Variants in TBL3 observed in about 807,000 individuals in gnomAD.
TBL3 encodes transducin beta like 3, also known as transducin beta-like protein 3.
A neutral mutation model predicts 102.7 loss-of-function variants in TBL3; 71 were observed. The observed-to-expected ratio is 0.69, with a 90% CI of 0.57 to 0.84. The LOEUF (loss-of-function observed/expected upper bound fraction) is 0.84, where lower values mean the gene tolerates loss of function less well. TBL3 is among the 40% of genes least tolerant of loss of function. The probability of loss-of-function intolerance (pLI) is 0.00; values close to 1 mark genes in which losing one functional copy is unlikely to be tolerated. For synonymous variants in TBL3, 578 were observed against 477.7 expected (o/e 1.21, Z -2.74); for missense variants, 1,188 against 1,098.5 (o/e 1.08, Z -1.15).
chr16:1,976,131 G>A lies in TBL3; in HGVS notation c.1188+17G>A, dbSNP rs1018090484. Reference sequence around the variant, plus strand: ...TGTGCCAAGGTGAGGCACCCTGAGAGGTAGGGGCAGGGGCACCAGGCGGGG... The same window carrying A: ...TGTGCCAAGGTGAGGCACCCTGAGAAGTAGGGGCAGGGGCACCAGGCGGGG... On this transcript the variant is annotated intron_variant, in intron 12 of 21. Coordinates refer to ENST00000568546, the MANE Select transcript of TBL3 (RefSeq NM_006453.3). The A allele has an allele frequency of 1.2e-6, 2 of 1,614,098 alleles. No individual in the cohort carries two copies. Among genetic ancestry groups the A allele is most frequent in the Non-Finnish European group, 1.7e-6 (2 of 1,180,034 alleles).
intron 1 of TBL3, among the ~76,000 whole-genome samples, chr16:1,973,434 C>T (rs2083375027): frequency 6.6e-6 from 1 of 151,922 alleles, no homozygotes; most frequent in Non-Finnish European, 1.5e-5. Flanking sequence ...AGATCGAGAC[C>T]CCTTCTCAAA....
chr16:1,974,377 A>T lies in TBL3; in HGVS notation c.191A>T (p.Glu64Val). 6.2e-7 allele frequency: 1 copy of T among 1,609,684 alleles called. No homozygotes were observed. Among genetic ancestry groups the T allele is most frequent in the Non-Finnish European group, 8.5e-7 (1 of 1,177,616 alleles). The change falls in exon 4 of 22, where the codon GAG (glutamate) becomes GTG (valine). Residue 64 changes from glutamate to valine, a missense_variant and splice_region_variant. Glu to Val is a moderately radical substitution (Grantham distance 121, BLOSUM62 -2). Coordinates refer to ENST00000568546, the MANE Select transcript of TBL3 (RefSeq NM_006453.3). ...SGAVLRSLEQ[E>V]DQEDITAFDL... ...TCGGCACACCACTCTTTCTCCTAGG[A>T]GGACCAGGAGGACATCACTGCCTTT... is the stretch of plus-strand genomic sequence containing the variant.
At position 1,974,227 on chromosome 16, in the gene TBL3, G is replaced by T. The variant is rs375415353; in HGVS notation, c.124G>T (p.Val42Phe). 6.2e-7 allele frequency: 1 copy of T among 1,602,884 alleles called. No homozygotes were observed. Among genetic ancestry groups the T allele is most frequent in the African/African-American group, 1.3e-5 (1 of 74,888 alleles). ...LDQTGQHLFC[V>F]CGTRVNILEV... ...CCAGACTGGCCAGCACCTCTTCTGCGTCTGTGGCACCAGAGTCAACATTCT... is the reference window on the plus strand; with the variant it reads ...CCAGACTGGCCAGCACCTCTTCTGCTTCTGTGGCACCAGAGTCAACATTCT... Residue 42 changes from valine (V) to phenylalanine (F), a missense_variant, in exon 3 of 22, where the codon GTC (valine) becomes TTC (phenylalanine). Transcript: ENST00000568546.
chr16:1,976,780 C>T (rs1425294115), intron 13 of TBL3, 34 bp from the exon 14 acceptor site: 1 of 1,609,838 alleles, frequency 6.2e-7, no homozygotes, highest in Non-Finnish European at 8.5e-7. Flanking sequence ...GGCTGGGGCT[C>T]AGCTGTGTCT....
chr16:1,977,901 GCT>G, intron 18 of TBL3, 55 bp from the exon 19 acceptor site: 1 of 1,594,226 alleles, frequency 6.3e-7, no homozygotes, highest in Non-Finnish European at 8.6e-7. Flanking sequence ...GACTCCGATG[GCT>G]CTGCCTGCAG....
chr16:1,982,696 G>C lies in TBL3; in HGVS notation c.*4011G>C, dbSNP rs764641880. 6.6e-6 allele frequency: 1 copy of C among 152,248 alleles called. No homozygotes were observed. 9.4% of individuals were successfully genotyped at this position (152,248 alleles called of 1,614,324 possible). Reference sequence around the variant, plus strand: ...GTACTTTGGGAGGCCGAGGCAGGGGGATTGCTTGAGCTCAGGAGTTCGAGA... The same window carrying C: ...GTACTTTGGGAGGCCGAGGCAGGGGCATTGCTTGAGCTCAGGAGTTCGAGA... On this transcript the variant is annotated 3_prime_UTR_variant, in exon 22 of 22. Coordinates refer to ENST00000568546, the MANE Select transcript of TBL3 (RefSeq NM_006453.3).
In TBL3 at chr16:1,979,819, C is replaced by G. The variant is rs192494277; in HGVS notation, c.*1134C>G. On this transcript the variant is annotated 3_prime_UTR_variant, in exon 22 of 22. Transcript: ENST00000568546. Reference sequence around the variant, plus strand: ...GCTCCCTAGGGACGGGCCTCCCTCCCGGCCTTGGCCCGGGGCCGCCTCCTC... The same window carrying G: ...GCTCCCTAGGGACGGGCCTCCCTCCGGGCCTTGGCCCGGGGCCGCCTCCTC... 230 of 1,565,724 alleles carry G rather than the reference C, an allele frequency of 1.5e-4. 4 individuals are homozygous for G. The East Asian group carries it at 4.3e-3, about 29-fold the overall frequency.
At chr16:1,977,936 G>T in intron 18 of TBL3, 22 bp from the exon 19 acceptor site, 1 of 1,589,896 alleles carries the variant, frequency 6.3e-7, no homozygotes, top group Non-Finnish European at 8.6e-7. Flanking sequence ...GCCCTCAGTG[G>T]CCTCTCCTCC....
At chr16:1,973,470 T>G (rs1013256606) in intron 1 of TBL3, among the ~76,000 whole-genome samples, 2 of 151,838 alleles carry the variant, frequency 1.3e-5, no homozygotes, top group Admixed American at 6.6e-5. Context: ...AAGAGGTAGG[T>G]AGGGGGTCCA....
chr16:1,976,593 G>A (rs1454754185), intron 13 of TBL3, among the ~76,000 whole-genome samples: 1 of 152,206 alleles, frequency 6.6e-6, no homozygotes, highest in Non-Finnish European at 1.5e-5. Context: ...CTGCATGTAG[G>A]CACAGGGTCC....
At position 1,981,095 on chromosome 16, in the gene TBL3, G is replaced by A. The variant is rs371355757; in HGVS notation, c.*2410G>A. 54 of 1,612,638 alleles carry A rather than the reference G, an allele frequency of 3.3e-5. No homozygotes were observed. Among genetic ancestry groups the A allele is most frequent in the Non-Finnish European group, 4.4e-5 (52 of 1,179,344 alleles). ...CCTTCCTATCCCTTGGGGCCACTAA[G>A]GACCCAGCCAGGTCTTACTTGGAGC... is the stretch of plus-strand genomic sequence containing the variant. On this transcript the variant is annotated 3_prime_UTR_variant, in exon 22 of 22. Coordinates refer to ENST00000568546, the MANE Select transcript of TBL3 (RefSeq NM_006453.3).
rs200191989 is a variant in TBL3, at chr16:1,974,347, C to T, written c.190-29C>T. The T allele has an allele frequency of 9.3e-4, 1,480 of 1,597,250 alleles. 3 individuals carry two copies. Among genetic ancestry groups the T allele is most frequent in the Admixed American group, 1.2e-3 (72 of 58,698 alleles). The stretch of plus-strand genomic sequence containing the variant: ...AGTGGAGAGGGCAGCCCACTCACAC[C>T]GTGCTCGGCACACCACTCTTTCTCC... On this transcript the variant is annotated intron_variant, in intron 3 of 21. Transcript: ENST00000568546.
rs2083507575 is a variant in TBL3, at chr16:1,981,396, TGG to T, written c.*2715_*2716del. On this transcript the variant is annotated 3_prime_UTR_variant, in exon 22 of 22. Transcript: ENST00000568546. ...GATCTGGGGGCAGGAGCACAGGGATTGGGGGACTTCCAGGCAGAGCTGCTGGG... is the reference window on the plus strand; with the variant it reads ...GATCTGGGGGCAGGAGCACAGGGATTGGGACTTCCAGGCAGAGCTGCTGGG... 1 of 1,222,114 alleles carries T rather than the reference TGG, an allele frequency of 8.2e-7. No individual in the cohort carries two copies. The highest frequency in any genetic ancestry group is 2.9e-5 in the Admixed American group (1 of 34,384). 75.7% of individuals were successfully genotyped at this position (1,222,114 alleles called of 1,614,324 possible).
chr16:1,974,193 C>G lies in TBL3; in HGVS notation c.94-4C>G, dbSNP rs2083380628. 1.3e-6 allele frequency: 2 copies of G among 1,577,756 alleles called. No individual in the cohort carries two copies. On this transcript the variant is annotated splice_region_variant and splice_polypyrimidine_tract_variant and intron_variant, in intron 2 of 21. Coordinates refer to ENST00000568546, the MANE Select transcript of TBL3 (RefSeq NM_006453.3). ...TTGCCTGGCTGAGACCTCTCTGTCC[C>G]CAGCTGGACCAGACTGGCCAGCACC...
chr16:1,980,332 C>T lies in TBL3; in HGVS notation c.*1647C>T. The T allele has an allele frequency of 1.3e-6, 2 of 1,585,392 alleles. No homozygotes were observed. The highest frequency in any genetic ancestry group is 1.7e-6 in the Non-Finnish European group (2 of 1,171,074). ...CTGGACCTCTCCCAGCTCCAAACGCCGCTGCATGCTGGGAGTTTGGGGCGA... is the reference window on the plus strand; with the variant it reads ...CTGGACCTCTCCCAGCTCCAAACGCTGCTGCATGCTGGGAGTTTGGGGCGA... On this transcript the variant is annotated 3_prime_UTR_variant, in exon 22 of 22. Coordinates refer to ENST00000568546, the MANE Select transcript of TBL3 (RefSeq NM_006453.3).
Position 1,979,196 on chromosome 16 carries a change from G to T in TBL3, c.*511G>T, listed in dbSNP as rs1352412925. On this transcript the variant is annotated 3_prime_UTR_variant, in exon 22 of 22. Coordinates refer to ENST00000568546, the MANE Select transcript of TBL3 (RefSeq NM_006453.3). ...CCGGCGAAGGTCGGGTGGGCACGGT[G>T]GGGGGAGGGGCGGTGGCCTGGGAGG... The T allele has an allele frequency of 1.4e-6, 2 of 1,461,230 alleles. No homozygotes were observed. The highest frequency in any genetic ancestry group is 5.3e-5 in the East Asian group (2 of 37,836). The allele number at this position is 1,461,230 out of a possible 1,614,324, so 90.5% of individuals were successfully genotyped here. A position where few individuals can be genotyped will look rare whatever the true frequency, so the allele number is the denominator to read the frequency against.
In TBL3 at chr16:1,980,102, G is replaced by A. The variant is rs762039463; in HGVS notation, c.*1417G>A. The A allele has an allele frequency of 1.6e-5, 26 of 1,607,984 alleles. No homozygotes were observed. In the East Asian group the frequency reaches 4.0e-4, roughly 25 times the overall value. On this transcript the variant is annotated 3_prime_UTR_variant, in exon 22 of 22. Coordinates refer to ENST00000568546, the MANE Select transcript of TBL3 (RefSeq NM_006453.3). ...AAGGGCTGCAGGCAGCGCAGGCTCTGAGCCTCCAGACTGTGGATGGAGAGG... is the reference window on the plus strand; with the variant it reads ...AAGGGCTGCAGGCAGCGCAGGCTCTAAGCCTCCAGACTGTGGATGGAGAGG...
rs990630897 is a variant in TBL3 at position 1,979,597 on chromosome 16, C to A, written c.*912C>A. On this transcript the variant is annotated 3_prime_UTR_variant, in exon 22 of 22. Coordinates refer to ENST00000568546, the MANE Select transcript of TBL3 (RefSeq NM_006453.3). The stretch of plus-strand genomic sequence containing the variant: ...CGGGGCCACAGAGGACGAGGCCCGC[C>A]CGCACCCTTCTCCACATTCTCCTTG... 3 of 1,457,726 alleles carry A rather than the reference C, an allele frequency of 2.1e-6. No homozygotes were observed. The African/African-American group carries it at 4.2e-5, about 20-fold the overall frequency. The allele number at this position is 1,457,726 out of a possible 1,614,324, so 90.3% of individuals were successfully genotyped here.
rs764836581 is a variant in TBL3, at chr16:1,972,138, T to G, written c.-27T>G. On this transcript the variant is annotated 5_prime_UTR_variant, in exon 1 of 22. Transcript: ENST00000568546. ...GGTGGCTGCCGGGACCCTAGCAGGTTTCAGCTGGAGCGGCGGCGGCGGCAA... is the reference window on the plus strand; with the variant it reads ...GGTGGCTGCCGGGACCCTAGCAGGTGTCAGCTGGAGCGGCGGCGGCGGCAA... 8.8e-6 allele frequency: 13 copies of G among 1,471,278 alleles called. No homozygotes were observed. In the Admixed American group the frequency reaches 1.3e-4, roughly 14 times the overall value. 91.1% of individuals were successfully genotyped at this position (1,471,278 alleles called of 1,614,324 possible).
Sources: gnomAD v4.1 joint callset for allele counts (sites outside exome capture counted in the v4.1 genomes callset) on GRCh38, gnomAD v4.1.1 for gene constraint, MANE v1.5 for transcripts, NCBI Gene and HGNC (gene_info 2026-07-23, HGNC 2026-07-21) for gene names.